SPECC1: variants seen among roughly 807,000 people sequenced by gnomAD.
SPECC1 encodes the protein sperm antigen with calponin homology and coiled-coil domains 1.
Under a neutral mutation model 104.1 loss-of-function variants are expected in SPECC1, and 62 were observed. That is an observed-to-expected ratio of 0.60 (90% CI 0.49 to 0.74). SPECC1 has a LOEUF of 0.74. Ranked by LOEUF, SPECC1 falls within the 30% of genes least tolerant of loss-of-function variation. SPECC1 has a pLI of 0.00. For missense variants in SPECC1, 1,306 were observed against 1,310.5 expected (o/e 1.00, Z 0.05); for synonymous variants, 513 against 501.6 (o/e 1.02, Z -0.30).
intron 3 of SPECC1, among the ~76,000 whole-genome samples, chr17:20,129,479 C>T (rs907776538): frequency 4.6e-5 from 7 of 152,202 alleles, no homozygotes; most frequent in Admixed American, 6.5e-5. Flanking sequence ...TGAGCCACCG[C>T]GCCCAGCCAG....
intron 7 of SPECC1, chr17:20,238,093 C>T: frequency 9.7e-7 from 1 of 1,026,918 alleles, no homozygotes; most frequent in Non-Finnish European, 1.2e-6. Flanking sequence ...GACTTCATTA[C>T]CTCGTCTGAA....
chr17:20,012,577 A>G (rs969241613), intron 1 of SPECC1, among the ~76,000 whole-genome samples: 1 of 151,190 alleles, frequency 6.6e-6, no homozygotes, highest in South Asian at 2.1e-4. Flanking sequence ...TAGCATTTAT[A>G]TGGAATATCT....
At chr17:20,033,415 T>A (rs2044909012) in intron 1 of SPECC1, among the ~76,000 whole-genome samples, 1 of 152,180 alleles carries the variant, frequency 6.6e-6, no homozygotes. Flanking sequence ...CCCCCTGTCT[T>A]GGTTCATTTG....
chr17:20,052,297 G>A (rs1438295682), intron 1 of SPECC1, among the ~76,000 whole-genome samples: 1 of 152,116 alleles, frequency 6.6e-6, no homozygotes. Context: ...TCCATGAATT[G>A]TCATAGTTTA....
intron 3 of SPECC1, among the ~76,000 whole-genome samples, chr17:20,137,143 C>T (rs376552586): frequency 1.3e-5 from 2 of 152,216 alleles, no homozygotes; most frequent in South Asian, 2.1e-4. Flanking sequence ...TGGCCATGGC[C>T]GTGTGCCCTA....
At chr17:20,245,888 C>T (rs373761544) in intron 7 of SPECC1, 38 bp from the exon 8 acceptor site, 3 of 1,608,160 alleles carry the variant, frequency 1.9e-6, no homozygotes, top group African/African-American at 2.7e-5. Context: ...TGGGGATGTC[C>T]TCCATCTTTT....
Position 20,172,988 on chromosome 17 carries a change from A to G in SPECC1, c.284-31345A>G, listed in dbSNP as rs147594689. Reference sequence around the variant, plus strand: ...CCTTTCTTTACCTTGATGGATTTTCATGTTGGTCAAATGAAGACTTGGGCT... The same window carrying G: ...CCTTTCTTTACCTTGATGGATTTTCGTGTTGGTCAAATGAAGACTTGGGCT... On this transcript the variant is annotated intron_variant, in intron 3 of 14. Transcript: ENST00000395527. Among the ~76,000 whole-genome samples, 26 of 152,320 alleles carry G rather than the reference A, an allele frequency of 1.7e-4. 1 individual carries two copies. In the East Asian group the frequency reaches 5.0e-3, roughly 29 times the overall value.
At chr17:20,289,683 G>A (rs745702950) in intron 12 of SPECC1, among the ~76,000 whole-genome samples, 1 of 152,218 alleles carries the variant, frequency 6.6e-6, no homozygotes, top group Non-Finnish European at 1.5e-5. Context: ...ACACGGCTTT[G>A]AATTGTCCCC....
intron 1 of SPECC1, among the ~76,000 whole-genome samples, chr17:20,093,567 C>T (rs1252767525): frequency 6.6e-6 from 1 of 151,892 alleles, no homozygotes; most frequent in African/African-American, 2.4e-5. Flanking sequence ...GCTGAGATGA[C>T]GGGAGGGATG....
intron 2 of SPECC1, 44 bp downstream of exon 2, chr17:20,096,842 C>G (rs1169052653): frequency 6.3e-7 from 1 of 1,581,964 alleles, no homozygotes; most frequent in South Asian, 1.1e-5. Flanking sequence ...GCCTGGATAC[C>G]CTGGGTTGGG....
intron 13 of SPECC1, among the ~76,000 whole-genome samples, chr17:20,298,388 C>T (rs2041427551): frequency 6.6e-6 from 1 of 151,740 alleles, no homozygotes; most frequent in Admixed American, 6.6e-5. Flanking sequence ...CAGTGCAGAG[C>T]CAGGGCTATG....
At chr17:20,038,250 C>G (rs1311901825) in intron 1 of SPECC1, among the ~76,000 whole-genome samples, 3 of 150,864 alleles carry the variant, frequency 2.0e-5, no homozygotes, top group African/African-American at 7.3e-5. Context: ...CTTTTGCTTG[C>G]TTTGGGTTTA....
Position 20,314,662 on chromosome 17 carries a change from C to T in SPECC1, c.*597C>T, listed in dbSNP as rs2042012336. On this transcript the variant is annotated 3_prime_UTR_variant, in exon 15 of 15. Coordinates refer to ENST00000395527, the MANE Select transcript of SPECC1 (RefSeq NM_001243439.2). Reference sequence around the variant, plus strand: ...CTCAAAAAAATGATAAAACCCAAAACTTTGCCCTTGTGAACCCTCCCTTCC... The same window carrying T: ...CTCAAAAAAATGATAAAACCCAAAATTTTGCCCTTGTGAACCCTCCCTTCC... 8.8e-6 allele frequency: 2 copies of T among 228,014 alleles called. No homozygotes were observed. Among genetic ancestry groups the T allele is most frequent in the Non-Finnish European group, 1.7e-5 (2 of 115,656 alleles). The allele number at this position is 228,014 out of a possible 1,614,324, so 14.1% of individuals were successfully genotyped here.
At chr17:20,253,657 A>G (rs567810509) in intron 10 of SPECC1, 71 bp downstream of exon 10, 70 of 1,417,792 alleles carry the variant, frequency 4.9e-5, no homozygotes, top group Non-Finnish European at 3.9e-5. Flanking sequence ...ATTTCTCTGC[A>G]TGAAACTGAG....
intron 12 of SPECC1, among the ~76,000 whole-genome samples, chr17:20,276,720 A>G (rs543378485): frequency 3.9e-4 from 60 of 152,368 alleles, no homozygotes; most frequent in Non-Finnish European, 7.8e-4. Flanking sequence ...GAATAATCAT[A>G]AAGTTTAAAG....
At chr17:20,028,026 T>A (rs2044662070) in intron 1 of SPECC1, among the ~76,000 whole-genome samples, 1 of 152,248 alleles carries the variant, frequency 6.6e-6, no homozygotes, top group Non-Finnish European at 1.5e-5. Flanking sequence ...GTATGTTTCC[T>A]TCTAAGAGTT....
At chr17:20,087,887 A>G (rs2047237650) in intron 1 of SPECC1, among the ~76,000 whole-genome samples, 2 of 152,140 alleles carry the variant, frequency 1.3e-5, no homozygotes, top group South Asian at 4.1e-4. Flanking sequence ...TCTAGAGAGT[A>G]TAAGAAAGAC....
Position 20,204,396 on chromosome 17 carries a change from CAAG to C in SPECC1, c.349_351del (p.Arg117del). The C allele has an allele frequency of 6.2e-7, 1 of 1,614,060 alleles. No individual in the cohort carries two copies. Among genetic ancestry groups the C allele is most frequent in the Non-Finnish European group, 8.5e-7 (1 of 1,179,992 alleles). On this transcript the variant is annotated inframe_deletion, in exon 4 of 15. Transcript: ENST00000395527. ...CCACGGGAATTTTCAGTAACTGTCT[CAAG>C]AGAGAGGTCTGTGCCACGTGGTCCC...
chr17:20,118,537 T>C (rs886448400), intron 3 of SPECC1, among the ~76,000 whole-genome samples: 5 of 152,218 alleles, frequency 3.3e-5, no homozygotes, highest in African/African-American at 1.2e-4. Context: ...CCAATATACA[T>C]TACTAAGTGG....
Sources: gnomAD v4.1 joint callset for allele counts (sites outside exome capture counted in the v4.1 genomes callset) on GRCh38, gnomAD v4.1.1 for gene constraint, MANE v1.5 for transcripts, NCBI Gene and HGNC (gene_info 2026-07-23, HGNC 2026-07-21) for gene names.